Variants in AP1B1 observed in about 807,000 individuals in gnomAD.
AP1B1 encodes the protein adaptor related protein complex 1 subunit beta 1.
AP1B1 carries 36 observed loss-of-function variants against 104.3 expected under a neutral mutation model. The ratio of observed to expected loss-of-function variants is 0.35; its 90% CI spans 0.26 to 0.46. The LOEUF (loss-of-function observed/expected upper bound fraction) is 0.46. Among genes scored for constraint, AP1B1 ranks in the 20% least tolerant of loss-of-function variants. AP1B1 has a pLI of 1.00. For missense variants in AP1B1, 901 were observed against 1,247.9 expected, an observed-to-expected ratio of 0.72 and a Z score of 4.19; for synonymous variants, 504 against 517.5, an observed-to-expected ratio of 0.97 and a Z score of 0.35.
intron 11 of AP1B1, among the ~76,000 whole-genome samples, chr22:29,348,503 C>T (rs2061825486): frequency 6.6e-6 from 1 of 152,174 alleles, no homozygotes; most frequent in Non-Finnish European, 1.5e-5. Flanking sequence ...ATTACAGTAT[C>T]CATGGCCATG....
rs1357143701 is a variant in AP1B1 at position 29,349,276 on chromosome 22, T to TA, written c.1378_1379insT (p.Asp460ValfsTer5). The TA allele has an allele frequency of 6.2e-7, 1 of 1,614,070 alleles. No individual in the cohort carries two copies. On this transcript the variant is annotated frameshift_variant, in exon 11 of 23. Coordinates refer to ENST00000357586, the MANE Select transcript of AP1B1 (RefSeq NM_001127.4). LOFTEE classifies it high-confidence loss of function. The stretch of plus-strand genomic sequence containing the variant: ...GCTCTCCAGCAGCTCATCTGCGTTG[T>TA]CGATCCGTTCCGCGTACTCGCCCAC...
intron 21 of AP1B1, 108 bp from the exon 22 acceptor site, chr22:29,329,828 C>A: frequency 1.9e-6 from 3 of 1,555,402 alleles, no homozygotes; most frequent in South Asian, 1.2e-5. Flanking sequence ...ACCAGCACTG[C>A]CAGCAGGACC....
chr22:29,351,288 T>A (rs777308462), intron 8 of AP1B1, 22 bp from the exon 9 acceptor site: 3 of 1,612,880 alleles, frequency 1.9e-6, no homozygotes, highest in Non-Finnish European at 2.5e-6. Flanking sequence ...ACAGAAAAGA[T>A]GGGGCTGGGG....
intron 3 of AP1B1, among the ~76,000 whole-genome samples, chr22:29,360,342 A>C (rs2062026642): frequency 1.3e-5 from 2 of 152,186 alleles, no homozygotes; most frequent in South Asian, 4.1e-4. Context: ...AACTCACTTC[A>C]CAGGGCCTTT....
Position 29,328,597 on chromosome 22 carries a change from A to T in AP1B1, c.*224T>A. ...TCACTTAACCCCACATCACAGCCAC[A>T]GGAGCAGGGGTGTCCCAGAGCACGG... On this transcript the variant is annotated 3_prime_UTR_variant, in exon 23 of 23. Transcript: ENST00000357586. The surrounding 1 kb of genome is among the most constrained non-coding windows in gnomAD (Gnocchi z 4.1). 2 of 532,454 alleles carry T rather than the reference A, an allele frequency of 3.8e-6. No individual in the cohort carries two copies. The highest frequency in any genetic ancestry group is 6.7e-6 in the Non-Finnish European group (2 of 297,950). The allele number at this position is 532,454 out of a possible 1,614,324, so 33.0% of individuals were successfully genotyped here.
intron 6 of AP1B1, among the ~76,000 whole-genome samples, chr22:29,356,225 C>CTGCCCAAG (rs1378457744): frequency 6.6e-6 from 1 of 152,246 alleles, no homozygotes; most frequent in Non-Finnish European, 1.5e-5. Context: ...ATGCCCATAG[C>CTGCCCAAG]TGCCCAAGGC....
At chr22:29,349,512 T>A in intron 10 of AP1B1, 129 bp from the exon 11 acceptor site, 1 of 955,358 alleles carries the variant, frequency 1.0e-6, no homozygotes, top group Non-Finnish European at 1.5e-6. Flanking sequence ...AAAGGGGATC[T>A]GAGTTTTGTT....
chr22:29,353,776 G>A (rs2061913233), intron 7 of AP1B1, among the ~76,000 whole-genome samples: 1 of 152,202 alleles, frequency 6.6e-6, no homozygotes, highest in Non-Finnish European at 1.5e-5. Flanking sequence ...AGGGCCTGCT[G>A]TAACATACGA....
At chr22:29,350,681 A>C (rs2061860595) in intron 9 of AP1B1, among the ~76,000 whole-genome samples, 1 of 152,172 alleles carries the variant, frequency 6.6e-6, no homozygotes, top group Non-Finnish European at 1.5e-5. Flanking sequence ...CAGTGGACCC[A>C]TTTAAGGAGA....
intron 3 of AP1B1, among the ~76,000 whole-genome samples, chr22:29,361,855 C>T (rs1466998916): frequency 4.0e-5 from 6 of 151,658 alleles, no homozygotes; most frequent in East Asian, 1.9e-4. Flanking sequence ...AGTGCAGTGG[C>T]GTGATCTTGG....
Position 29,351,529 on chromosome 22 carries a change from G to A in AP1B1, c.1059+176C>T, listed in dbSNP as rs541241999. 8.7e-6 allele frequency: 8 copies of A among 914,624 alleles called. No individual in the cohort carries two copies. The African/African-American group carries it at 1.2e-4, about 13-fold the overall frequency. The allele number at this position is 914,624 out of a possible 1,614,324, so 56.7% of individuals were successfully genotyped here. On this transcript the variant is annotated intron_variant, in intron 8 of 22. Transcript: ENST00000357586. ...TGATAACATGGAGAAACATTCTTTA[G>A]TAATAAAAACATCAGTTCTTTTACT...
intron 11 of AP1B1, among the ~76,000 whole-genome samples, chr22:29,345,031 A>G (rs1422112162): frequency 6.6e-6 from 1 of 152,174 alleles, no homozygotes; most frequent in East Asian, 1.9e-4. Context: ...ACAAACAAAC[A>G]AAAAACTCCA....
At position 29,340,662 on chromosome 22, in the gene AP1B1, G is replaced by A. The variant is rs746234983; in HGVS notation, c.1992C>T (p.Asp664=). ...GAVDLLGGGL[D]SLMGDEPEGI... is the part of the protein sequence containing the mutation. ...GAGGGGGCCCACAACATACCAGGCT[G>A]TCAAGGCCACCGCCAAGAAGGTCCA... Residue 664 remains aspartate (D), a synonymous_variant, in exon 14 of 23, where the codon GAC becomes GAT. Transcript: ENST00000357586. 2 of 1,553,722 alleles carry A rather than the reference G, an allele frequency of 1.3e-6. No individual in the cohort carries two copies. The highest frequency in any genetic ancestry group is 1.7e-6 in the Non-Finnish European group (2 of 1,146,818).
At chr22:29,335,248 G>T (rs549429564) in intron 16 of AP1B1, among the ~76,000 whole-genome samples, 38 of 152,244 alleles carry the variant, frequency 2.5e-4, no homozygotes, top group Non-Finnish European at 4.6e-4. Flanking sequence ...GCTCACAAAC[G>T]CCTCTCAGGC....
intron 16 of AP1B1, among the ~76,000 whole-genome samples, chr22:29,334,660 C>G (rs563156482): frequency 1.3e-5 from 2 of 152,294 alleles, no homozygotes; most frequent in East Asian, 3.9e-4. Context: ...CTTCAGCGCT[C>G]CAGGGCTGAC....
chr22:29,329,517 G>A (rs2147925801), intron 22 of AP1B1, 195 bp downstream of exon 22: 3 of 1,420,654 alleles, frequency 2.1e-6, no homozygotes, highest in South Asian at 1.5e-5. Context: ...AGGTCTCCTA[G>A]GAAGGACTCT....
At chr22:29,342,236 G>C (rs1265997632) in intron 12 of AP1B1, 49 bp downstream of exon 12, 2 of 1,490,098 alleles carry the variant, frequency 1.3e-6, no homozygotes, top group Non-Finnish European at 1.9e-6. Context: ...AAGTTCCCCT[G>C]CTTGAGTGAG....
chr22:29,332,032 C>G (rs2061569406), intron 17 of AP1B1, 116 bp from the exon 18 acceptor site: 4 of 1,087,232 alleles, frequency 3.7e-6, no homozygotes, highest in Non-Finnish European at 1.3e-6. Flanking sequence ...TCTCACCGTG[C>G]CAGCCTTCCC....
chr22:29,331,155 G>A (rs2061551361), intron 19 of AP1B1, among the ~76,000 whole-genome samples: 1 of 152,164 alleles, frequency 6.6e-6, no homozygotes, highest in Non-Finnish European at 1.5e-5. Context: ...CAGGTGTGGG[G>A]CATGACCTGG....
Sources: gnomAD v4.1 joint callset for allele counts (sites outside exome capture counted in the v4.1 genomes callset) on GRCh38, gnomAD v4.1.1 for gene constraint, Gnocchi (gnomAD v3.1) non-coding constraint, MANE v1.5 for transcripts, NCBI Gene and HGNC (gene_info 2026-07-23, HGNC 2026-07-21) for gene names.